Variants in NANOS3 observed in about 807,000 individuals in gnomAD.
NANOS3 encodes nanos homolog 3.
NANOS3 carries 11 observed loss-of-function variants against 13.8 expected under a neutral mutation model. The observed-to-expected ratio is 0.80, with a 90% CI of 0.50 to 1.32. The LOEUF (loss-of-function observed/expected upper bound fraction) is 1.32. NANOS3 is among the 40% of genes most tolerant of loss of function. The probability of loss-of-function intolerance (pLI) is 0.00; values close to 1 mark genes in which losing one functional copy is unlikely to be tolerated. For synonymous variants in NANOS3, 119 were observed against 115.4 expected, an observed-to-expected ratio of 1.03 and a Z score of -0.20; for missense variants, 221 against 263.8, an observed-to-expected ratio of 0.84 and a Z score of 1.12.
At chr19:13,875,873 A>C (rs371308091), upstream of NANOS3, among the ~76,000 whole-genome samples, 668 of 152,258 alleles carry the variant, frequency 4.4e-3, 5 homozygotes, top group African/African-American at 0.015. Context: ...GAGCTGTGTA[A>C]GCGGCACAGC....
At chr19:13,874,751 G>A (rs1235285522), upstream of NANOS3, 2 of 534,406 alleles carry the variant, frequency 3.7e-6, no homozygotes, top group Non-Finnish European at 7.7e-6. Context: ...GTGAGTTTGG[G>A]CAGCTCAGGC....
intron 1 of NANOS3, among the ~76,000 whole-genome samples, chr19:13,867,743 A>G (rs1170341756): frequency 1.3e-5 from 2 of 152,040 alleles, no homozygotes; most frequent in Non-Finnish European, 2.9e-5. Flanking sequence ...CCCCCGCCCA[A>G]GAACACAACT....
At chr19:13,869,789 C>CAT (rs1976298352) in intron 1 of NANOS3, among the ~76,000 whole-genome samples, 1 of 151,504 alleles carries the variant, frequency 6.6e-6, no homozygotes, top group African/African-American at 2.4e-5. Context: ...CACACACACA[C>CAT]ACGCACACAC....
intron 1 of NANOS3, among the ~76,000 whole-genome samples, chr19:13,866,348 T>C (rs1599297363): frequency 6.9e-6 from 1 of 144,722 alleles, no homozygotes; most frequent in African/African-American, 2.6e-5. Context: ...TCGGTTCCCC[T>C]CCCCCCATCT....
At chr19:13,874,735 C>A (rs1243503743), upstream of NANOS3, 1 of 534,304 alleles carries the variant, frequency 1.9e-6, no homozygotes, top group South Asian at 1.4e-5. Flanking sequence ...AACATTCAAC[C>A]TGTCGGTGAG....
At chr19:13,875,066 C>G (rs1012268196), upstream of NANOS3, 12 of 419,586 alleles carry the variant, frequency 2.9e-5, no homozygotes, top group African/African-American at 2.5e-4. Context: ...TGCCCTGACC[C>G]CAACCACTCC....
chr19:13,868,875 C>G (rs906641432), intron 1 of NANOS3, among the ~76,000 whole-genome samples: 2 of 151,778 alleles, frequency 1.3e-5, no homozygotes, highest in Admixed American at 1.3e-4. Context: ...TGATATACAC[C>G]CACAGCAATG....
intron 1 of NANOS3, among the ~76,000 whole-genome samples, chr19:13,866,641 G>A (rs887700721): frequency 6.6e-6 from 1 of 152,214 alleles, no homozygotes; most frequent in Non-Finnish European, 1.5e-5. Context: ...AACGAAGGCA[G>A]CTACAACATA....
chr19:13,872,063 G>A (rs1976336217), intron 1 of NANOS3, among the ~76,000 whole-genome samples: 1 of 151,180 alleles, frequency 6.6e-6, no homozygotes, highest in Admixed American at 6.6e-5. Context: ...CTTTTTTAAA[G>A]AAACGGGGTT....
intron 1 of NANOS3, among the ~76,000 whole-genome samples, chr19:13,866,174 A>C (rs1976236966): frequency 6.6e-6 from 1 of 152,158 alleles, no homozygotes; most frequent in East Asian, 1.9e-4. Flanking sequence ...AACTGGCCAT[A>C]AAAAGGGAAA....
upstream of NANOS3, among the ~76,000 whole-genome samples, chr19:13,875,366 T>C (rs1207928692): frequency 6.6e-6 from 1 of 151,728 alleles, no homozygotes; most frequent in Non-Finnish European, 1.5e-5. Flanking sequence ...TTTGTATTTT[T>C]AGTAGAGACG....
intron 1 of NANOS3, among the ~76,000 whole-genome samples, chr19:13,868,629 C>A (rs1286180755): frequency 2.0e-5 from 3 of 150,878 alleles, no homozygotes; most frequent in Non-Finnish European, 4.4e-5. Context: ...TTGCAGTGAG[C>A]TATGATGGCA....
At chr19:13,877,037 C>G (rs1171361070), upstream of NANOS3, among the ~76,000 whole-genome samples, 2 of 152,156 alleles carry the variant, frequency 1.3e-5, no homozygotes, top group African/African-American at 4.8e-5. Context: ...AGTGGGGCAC[C>G]AGGCCCCCCT....
At position 13,877,536 on chromosome 19, in the gene NANOS3, G is replaced by A. The variant is rs759235805; in HGVS notation, c.288G>A (p.Lys96=). The A allele has an allele frequency of 1.9e-6, 3 of 1,612,370 alleles. No individual in the cohort carries two copies. The highest frequency in any genetic ancestry group is 1.1e-5 in the South Asian group (1 of 91,088). Residue 96 remains lysine, a synonymous_variant, in exon 1 of 2, where the codon AAG becomes AAA. Transcript: ENST00000339133. Reference sequence around the variant, plus strand: ...CCATCTACCAGTCCCACGTGCTGAAGGACGAGGCTGGCAGGGTGCTGTGTC... The same window carrying A: ...CCATCTACCAGTCCCACGTGCTGAAAGACGAGGCTGGCAGGGTGCTGTGTC... ...SRAIYQSHVL[K]DEAGRVLCPI...
At chr19:13,873,518 G>T (rs1235839863), upstream of NANOS3, among the ~76,000 whole-genome samples, 2 of 152,076 alleles carry the variant, frequency 1.3e-5, no homozygotes, top group Non-Finnish European at 2.9e-5. Context: ...ACCCAGGCTG[G>T]AATACAGTGG....
intron 1 of NANOS3, among the ~76,000 whole-genome samples, chr19:13,878,762 G>A (rs1173420674): frequency 6.8e-6 from 1 of 146,676 alleles, no homozygotes; most frequent in Non-Finnish European, 1.5e-5. Flanking sequence ...TTACAGGCGT[G>A]CACCACCATT....
chr19:13,877,653 C>T lies in NANOS3; in HGVS notation c.405C>T (p.Tyr135=). ...TCTGCCCACTTACTGGCCAGGGCTA[C>T]ACCTCCGTCTACAGCCACACCACCC... ...RRFCPLTGQG[Y]TSVYSHTTRN... Residue 135 remains tyrosine, a synonymous_variant, in exon 1 of 2, where the codon TAC becomes TAT. Coordinates refer to ENST00000339133, the MANE Select transcript of NANOS3 (RefSeq NM_001098622.3). 1.2e-6 allele frequency: 2 copies of T among 1,612,108 alleles called. No homozygotes were observed. Among genetic ancestry groups the T allele is most frequent in the South Asian group, 2.2e-5 (2 of 91,082 alleles).
chr19:13,878,278 A>G (rs1469421465), intron 1 of NANOS3, among the ~76,000 whole-genome samples: 8 of 142,552 alleles, frequency 5.6e-5, no homozygotes, highest in East Asian at 4.4e-4. Context: ...TCTTTCTGTC[A>G]CCCAGGCTGG....
chr19:13,868,339 G>A (rs933262488), intron 1 of NANOS3, among the ~76,000 whole-genome samples: 1 of 151,994 alleles, frequency 6.6e-6, no homozygotes, highest in Non-Finnish European at 1.5e-5. Flanking sequence ...GATTACAGGT[G>A]TGAGCCAGTG....
Sources: gnomAD v4.1 joint callset for allele counts (sites outside exome capture counted in the v4.1 genomes callset) on GRCh38, gnomAD v4.1.1 for gene constraint, MANE v1.5 for transcripts, NCBI Gene and HGNC (gene_info 2026-07-23, HGNC 2026-07-21) for gene names.